Variants in KNTC1 observed in about 807,000 individuals in gnomAD.
KNTC1 encodes the protein kinetochore associated 1.
A neutral mutation model predicts 314.4 loss-of-function variants in KNTC1; 253 were observed. The observed-to-expected ratio is 0.80, with a 90% CI of 0.73 to 0.89. KNTC1 has a LOEUF of 0.89. Ranked by LOEUF, KNTC1 falls within the 40% of genes least tolerant of loss-of-function variation. The probability of loss-of-function intolerance (pLI) is 0.00; values close to 1 mark genes in which losing one functional copy is unlikely to be tolerated. For synonymous variants in KNTC1, 901 were observed against 901.4 expected, an observed-to-expected ratio of 1.00 and a Z score of 0.01; for missense variants, 2,475 against 2,572.9, an observed-to-expected ratio of 0.96 and a Z score of 0.82.
intron 20 of KNTC1, among the ~76,000 whole-genome samples, chr12:122,563,021 ATT>A (rs397707504): frequency 7.7e-5 from 11 of 143,682 alleles, no homozygotes; most frequent in Admixed American, 7.5e-4. Flanking sequence ...AAAAAAAAAA[ATT>A]TTTTTTTTTA....
intron 19 of KNTC1, 133 bp from the exon 20 acceptor site, chr12:122,562,505 T>C: frequency 1.6e-6 from 1 of 621,102 alleles, no homozygotes; most frequent in Non-Finnish European, 3.0e-6. Context: ...AAGGCAGTCC[T>C]ATGGGAATTG....
chr12:122,601,720 T>C (rs906697163), intron 45 of KNTC1, 95 bp downstream of exon 45: 2 of 1,157,166 alleles, frequency 1.7e-6, no homozygotes, highest in East Asian at 3.3e-5. Flanking sequence ...AAATTATCCA[T>C]TGAATTCCCT....
chr12:122,604,673 T>G (rs778976473), intron 49 of KNTC1, 36 bp downstream of exon 49: 1 of 1,428,712 alleles, frequency 7.0e-7, no homozygotes, highest in Non-Finnish European at 9.8e-7. Context: ...GCTTCTCTTC[T>G]TCCTAATTAA....
intron 56 of KNTC1, 96 bp from the exon 57 acceptor site, chr12:122,615,374 C>T (rs761150927): frequency 5.1e-5 from 54 of 1,050,326 alleles, no homozygotes; most frequent in Non-Finnish European, 6.7e-5. Flanking sequence ...TAACGTTTTA[C>T]CAGTACTTCT....
intron 63 of KNTC1, among the ~76,000 whole-genome samples, chr12:122,625,576 A>G (rs946694365): frequency 6.6e-6 from 1 of 151,652 alleles, no homozygotes; most frequent in Non-Finnish European, 1.5e-5. Flanking sequence ...CAAAAAATCA[A>G]AACAAAACAA....
chr12:122,619,631 C>T (rs1225848058), intron 59 of KNTC1, among the ~76,000 whole-genome samples: 1 of 151,904 alleles, frequency 6.6e-6, no homozygotes, highest in East Asian at 2.0e-4. Flanking sequence ...CCAGGATGGT[C>T]TCGATCTCCT....
intron 18 of KNTC1, among the ~76,000 whole-genome samples, chr12:122,561,425 C>T (rs1963968794): frequency 6.6e-6 from 1 of 151,774 alleles, no homozygotes; most frequent in Non-Finnish European, 1.5e-5. Flanking sequence ...TTGCAATGAC[C>T]TATGAGTATT....
intron 13 of KNTC1, among the ~76,000 whole-genome samples, chr12:122,550,500 T>TTTGTTG (rs140141009): frequency 2.6e-5 from 4 of 151,920 alleles, no homozygotes; most frequent in South Asian, 4.1e-4. Flanking sequence ...TCTCTGTGTT[T>TTTGTTG]TTGTTGTTGT....
At chr12:122,619,033 T>G (rs931964300) in intron 59 of KNTC1, among the ~76,000 whole-genome samples, 1 of 124,648 alleles carries the variant, frequency 8.0e-6, no homozygotes, top group Non-Finnish European at 1.8e-5. Context: ...CTTGTTTTGT[T>G]TTTTGTTTTT....
At chr12:122,626,098 A>T in intron 63 of KNTC1, 107 bp from the exon 64 acceptor site, 1 of 759,700 alleles carries the variant, frequency 1.3e-6, no homozygotes, top group Non-Finnish European at 2.3e-6. Context: ...ATAGTTTGAT[A>T]TGTAGATTTG....
intron 3 of KNTC1, among the ~76,000 whole-genome samples, chr12:122,535,455 A>C (rs1323788347): frequency 1.3e-5 from 2 of 152,180 alleles, no homozygotes; most frequent in African/African-American, 4.8e-5. Context: ...AGCCTGGGCA[A>C]CATGGTGAAA....
intron 27 of KNTC1, among the ~76,000 whole-genome samples, chr12:122,574,612 C>G (rs1023744324): frequency 6.6e-6 from 1 of 152,220 alleles, no homozygotes; most frequent in Non-Finnish European, 1.5e-5. Flanking sequence ...GCGTGTGCCA[C>G]TACGCCCAGC....
chr12:122,581,198 A>C (rs979796992), intron 33 of KNTC1, among the ~76,000 whole-genome samples: 5 of 135,258 alleles, frequency 3.7e-5, no homozygotes, highest in Admixed American at 7.6e-5. Context: ...TGTGTTATTA[A>C]TTTTTTTTTT....
At chr12:122,598,421 C>CTTTTTTTTTTT (rs11395342) in intron 44 of KNTC1, among the ~76,000 whole-genome samples, 12 of 124,258 alleles carry the variant, frequency 9.7e-5, no homozygotes, top group Non-Finnish European at 1.6e-4. Flanking sequence ...TTTTTCTTTT[C>CTTTTTTTTTTT]TTTTTTTTTT....
At chr12:122,569,471 G>T (rs1162205900) in intron 21 of KNTC1, among the ~76,000 whole-genome samples, 1 of 152,156 alleles carries the variant, frequency 6.6e-6, no homozygotes, top group Non-Finnish European at 1.5e-5. Flanking sequence ...TCTGCTACAT[G>T]ATAAACTATT....
intron 13 of KNTC1, among the ~76,000 whole-genome samples, chr12:122,550,829 A>G (rs1963144590): frequency 6.6e-6 from 1 of 152,156 alleles, no homozygotes; most frequent in East Asian, 1.9e-4. Flanking sequence ...AGACATTGAC[A>G]GTTTTGAAGA....
chr12:122,585,291 C>T (rs11058839), intron 36 of KNTC1, among the ~76,000 whole-genome samples: 47,394 of 152,028 alleles, frequency 0.31, 8,876 homozygotes, highest in Admixed American at 0.4. Context: ...ATTCCCCCAC[C>T]TCAGCCTCTC....
rs952800952 is a variant in KNTC1 at position 122,605,219 on chromosome 12, A to T, written c.5387-87A>T. 4.9e-6 allele frequency: 5 copies of T among 1,029,082 alleles called. No individual in the cohort carries two copies. In the Admixed American group the frequency reaches 1.2e-4, roughly 24 times the overall value. The allele number at this position is 1,029,082 out of a possible 1,614,324, so 63.7% of individuals were successfully genotyped here. ...TATGTATATACTTATATGTGTATGT[A>T]TGTGCATATATACACATACACATAT... On this transcript the variant is annotated intron_variant, in intron 50 of 63. Coordinates refer to ENST00000333479, the MANE Select transcript of KNTC1 (RefSeq NM_014708.6).
chr12:122,610,249 C>T (rs1872974323), intron 52 of KNTC1, among the ~76,000 whole-genome samples: 1 of 152,170 alleles, frequency 6.6e-6, no homozygotes, highest in Non-Finnish European at 1.5e-5. Context: ...GTATGTCTAC[C>T]TGAACTAGGC....
Sources: gnomAD v4.1 joint callset for allele counts (sites outside exome capture counted in the v4.1 genomes callset) on GRCh38, gnomAD v4.1.1 for gene constraint, MANE v1.5 for transcripts, NCBI Gene and HGNC (gene_info 2026-07-23, HGNC 2026-07-21) for gene names.